RNF111: variants seen among roughly 807,000 people sequenced by gnomAD.
The protein encoded by RNF111 is E3 ubiquitin-protein ligase Arkadia.
In RNF111, 17 loss-of-function variants were observed where a neutral mutation model predicts 95.1. The ratio of observed to expected loss-of-function variants is 0.18; its 90% confidence interval spans 0.12 to 0.27. RNF111 has a LOEUF of 0.27. RNF111 is among the 10% of genes least tolerant of loss of function. RNF111 has a pLI of 1.00. For missense variants in RNF111, 1,189 were observed against 1,210.4 expected (o/e 0.98, Z 0.26); for synonymous variants, 440 against 414.8 (o/e 1.06, Z -0.74).
At chr15:59,030,525 T>C (rs2040851449) in intron 1 of RNF111, among the ~76,000 whole-genome samples, 1 of 152,222 alleles carries the variant, frequency 6.6e-6, no homozygotes, top group Admixed American at 6.5e-5. Context: ...GGTAGTGAGA[T>C]ATGCAATAAG....
At chr15:59,039,811 G>C (rs1392461629) in intron 2 of RNF111, among the ~76,000 whole-genome samples, 4 of 151,862 alleles carry the variant, frequency 2.6e-5, no homozygotes. Context: ...CTGCCTCCCA[G>C]GTTCAAGCGA....
At chr15:59,015,283 A>G (rs1389384757) in intron 1 of RNF111, among the ~76,000 whole-genome samples, 29 of 152,212 alleles carry the variant, frequency 1.9e-4, no homozygotes, top group Admixed American at 1.9e-3. Flanking sequence ...GCATACTAGC[A>G]TGTTAGAGAT....
chr15:59,008,780 G>T (rs999906837), intron 1 of RNF111, among the ~76,000 whole-genome samples: 1 of 151,676 alleles, frequency 6.6e-6, no homozygotes, highest in East Asian at 1.9e-4. Flanking sequence ...ACCACTTTTG[G>T]CTTATACTTT....
At chr15:59,075,247 T>C (rs770959037) in intron 6 of RNF111, among the ~76,000 whole-genome samples, 2 of 152,214 alleles carry the variant, frequency 1.3e-5, no homozygotes, top group Non-Finnish European at 2.9e-5. Context: ...CTTCAATTTA[T>C]TAAAAATAAA....
At chr15:59,087,981 ATG>A (rs1158742945) in intron 10 of RNF111, among the ~76,000 whole-genome samples, 1 of 152,232 alleles carries the variant, frequency 6.6e-6, no homozygotes, top group East Asian at 1.9e-4. Flanking sequence ...AAGTGAAAAC[ATG>A]GAGACAGTGA....
chr15:59,003,802 C>A (rs575116195), intron 1 of RNF111, among the ~76,000 whole-genome samples: 1 of 152,178 alleles, frequency 6.6e-6, no homozygotes, highest in Non-Finnish European at 1.5e-5. Context: ...ATGTCCTGTT[C>A]GTGGCTGATG....
chr15:59,088,329 TA>T (rs1357042060), intron 10 of RNF111, among the ~76,000 whole-genome samples: 1 of 152,188 alleles, frequency 6.6e-6, no homozygotes, highest in Non-Finnish European at 1.5e-5. Flanking sequence ...AGTGAAGATT[TA>T]GATAATTTGG....
intron 1 of RNF111, among the ~76,000 whole-genome samples, chr15:58,991,255 A>G (rs1050763416): frequency 1.3e-5 from 2 of 152,096 alleles, no homozygotes; most frequent in Admixed American, 6.5e-5. Flanking sequence ...TGAGATCTGC[A>G]CTCCAGCCTG....
rs144002410 is a variant in RNF111 at position 59,061,308 on chromosome 15, C to G, written c.1366+2758C>G. ...ATTAGTTCAACTATGTTCTCCACAA[C>G]CCGTCCTTATCTTGTACCTTTTTGA... is the stretch of plus-strand genomic sequence containing the variant. On this transcript the variant is annotated intron_variant, in intron 5 of 13. Coordinates refer to ENST00000348370, the MANE Select transcript of RNF111 (RefSeq NM_017610.8). Among the ~76,000 whole-genome samples, 111 of 152,288 alleles carry G rather than the reference C, an allele frequency of 7.3e-4. 1 individual carries two copies. The East Asian group carries it at 0.018, about 25-fold the overall frequency.
In RNF111 at chr15:59,001,967, A is replaced by C. The variant is rs140335253; in HGVS notation, c.-20+13899A>C. On this transcript the variant is annotated intron_variant, in intron 1 of 13. Coordinates refer to ENST00000348370, the MANE Select transcript of RNF111 (RefSeq NM_017610.8). Reference sequence around the variant, plus strand: ...ACTATATTTAATAAAAATTGTGTGAATGTCATCTCTCAAAATATTGTACTC... The same window carrying C: ...ACTATATTTAATAAAAATTGTGTGACTGTCATCTCTCAAAATATTGTACTC... Among the ~76,000 whole-genome samples the C allele has an allele frequency of 4.3e-3, 649 of 152,322 alleles. 34 individuals carry two copies. In the East Asian group the frequency reaches 0.12, roughly 28 times the overall value.
At chr15:59,065,431 A>C (rs1395113837) in intron 5 of RNF111, among the ~76,000 whole-genome samples, 3 of 152,168 alleles carry the variant, frequency 2.0e-5, no homozygotes, top group African/African-American at 4.8e-5. Flanking sequence ...ATCAGGACTC[A>C]TGTGTTTTAT....
At chr15:59,059,538 G>A (rs980580331) in intron 5 of RNF111, among the ~76,000 whole-genome samples, 2 of 152,182 alleles carry the variant, frequency 1.3e-5, no homozygotes, top group African/African-American at 4.8e-5. Context: ...GAATGGGGAT[G>A]GGAGTTTTTA....
In RNF111 at chr15:59,012,003, C is replaced by CTTTTTTTTTTTTTTTTT. The variant is rs71425836; in HGVS notation, c.-19-18788_-19-18772dup. Among the ~76,000 whole-genome samples the CTTTTTTTTTTTTTTTTT allele has an allele frequency of 5.2e-4, 21 of 40,444 alleles. 5 individuals carry two copies. Among genetic ancestry groups the CTTTTTTTTTTTTTTTTT allele is most frequent in the African/African-American group, 1.6e-3 (19 of 12,112 alleles). The allele number at this position is 40,444 out of a possible 152,430, so 26.5% of individuals were successfully genotyped here. A position where few individuals can be genotyped will look rare whatever the true frequency, so the allele number is the denominator to read the frequency against. On this transcript the variant is annotated intron_variant, in intron 1 of 13. Transcript: ENST00000348370. The stretch of plus-strand genomic sequence containing the variant: ...TTAGTGTTCTTTTTTGTTTGTTTGC[C>CTTTTTTTTTTTTTTTTT]TTTTTTTTTTTTTTTTTTTTTTTTT...
At chr15:58,990,461 C>CA (rs1353947150) in intron 1 of RNF111, among the ~76,000 whole-genome samples, 4 of 151,972 alleles carry the variant, frequency 2.6e-5, no homozygotes, top group Admixed American at 2.0e-4. Context: ...CCAGTCTGGC[C>CA]AAAATGGTGA....
At chr15:59,025,977 G>A (rs1235802393) in intron 1 of RNF111, among the ~76,000 whole-genome samples, 1 of 151,588 alleles carries the variant, frequency 6.6e-6, no homozygotes, top group African/African-American at 2.4e-5. Context: ...TGATCTGCCT[G>A]CCTTAGCCGC....
intron 1 of RNF111, among the ~76,000 whole-genome samples, chr15:59,011,646 T>G (rs1263479259): frequency 6.6e-6 from 1 of 152,198 alleles, no homozygotes; most frequent in African/African-American, 2.4e-5. Context: ...TTTTTCTGTG[T>G]GTTTGCATCC....
intron 6 of RNF111, among the ~76,000 whole-genome samples, chr15:59,068,198 C>T (rs561541114): frequency 1.3e-4 from 19 of 151,916 alleles, no homozygotes; most frequent in African/African-American, 3.1e-4. Context: ...CCAGCCTGGG[C>T]GACAGAGTGA....
At chr15:59,052,735 G>T (rs1047258204) in intron 3 of RNF111, among the ~76,000 whole-genome samples, 6 of 151,956 alleles carry the variant, frequency 3.9e-5, no homozygotes, top group East Asian at 1.9e-4. Flanking sequence ...TTCAAAGCAG[G>T]CTGCATTAAA....
chr15:59,049,045 C>A (rs1446217332), intron 2 of RNF111, among the ~76,000 whole-genome samples: 2 of 151,992 alleles, frequency 1.3e-5, no homozygotes, highest in South Asian at 2.1e-4. Flanking sequence ...ACGGCATGAG[C>A]GTGATTGTGC....
Sources: gnomAD v4.1 joint callset for allele counts (sites outside exome capture counted in the v4.1 genomes callset) on GRCh38, gnomAD v4.1.1 for gene constraint, MANE v1.5 for transcripts, NCBI Gene and HGNC (gene_info 2026-07-23, HGNC 2026-07-21) for gene names.